The following CCSER1 variants were observed in gnomAD, a reference collection of about 807,000 sequenced individuals.
CCSER1 encodes serine-rich coiled-coil domain-containing protein 1.
CCSER1 carries 41 observed loss-of-function variants against 82.0 expected under a neutral mutation model. The ratio of observed to expected loss-of-function variants is 0.50; its 90% CI spans 0.39 to 0.65. The LOEUF is 0.65. Ranked by LOEUF, CCSER1 falls within the 30% of genes least tolerant of loss-of-function variation. The pLI, the probability that CCSER1 is intolerant of heterozygous loss-of-function variation, is 0.00. For missense variants in CCSER1, 1,119 were observed against 1,064.2 expected, an observed-to-expected ratio of 1.05 and a Z score of -0.72; for synonymous variants, 414 against 383.9, an observed-to-expected ratio of 1.08 and a Z score of -0.92.
At chr4:90,978,584 A>AACACAG (rs1735818683) in intron 9 of CCSER1, among the ~76,000 whole-genome samples, 1 of 151,802 alleles carries the variant, frequency 6.6e-6, no homozygotes, top group African/African-American at 2.4e-5. Flanking sequence ...GCTTCTCAAT[A>AACACAG]TGAAAATAAT....
chr4:91,303,675 A>C (rs1413268283), intron 10 of CCSER1, among the ~76,000 whole-genome samples: 1 of 151,838 alleles, frequency 6.6e-6, no homozygotes, highest in Non-Finnish European at 1.5e-5. Flanking sequence ...CATGCCTGTA[A>C]TCCAGGTTAC....
intron 7 of CCSER1, among the ~76,000 whole-genome samples, chr4:90,725,305 A>T (rs188095224): frequency 7.3e-4 from 111 of 151,736 alleles, no homozygotes; most frequent in Non-Finnish European, 1.4e-3. Flanking sequence ...TTTTTAACAG[A>T]GGTTAAAAAA....
At chr4:91,148,289 T>C (rs771956269) in intron 10 of CCSER1, among the ~76,000 whole-genome samples, 1 of 152,138 alleles carries the variant, frequency 6.6e-6, no homozygotes, top group Non-Finnish European at 1.5e-5. Flanking sequence ...TTGAGACTCA[T>C]TTATTCATTG....
chr4:90,822,599 G>T (rs1031659637), intron 8 of CCSER1, among the ~76,000 whole-genome samples: 2 of 151,802 alleles, frequency 1.3e-5, no homozygotes, highest in African/African-American at 4.8e-5. Flanking sequence ...GTGGTGGCGG[G>T]CACCTGTAAT....
At position 90,663,921 on chromosome 4, in the gene CCSER1, C is replaced by T. The variant is rs1361253054; in HGVS notation, c.1932+35689C>T. 6 of 323,280 alleles carry T rather than the reference C, an allele frequency of 1.9e-5. 1 individual carries two copies. Among genetic ancestry groups the T allele is most frequent in the Admixed American group, 1.8e-4 (6 of 33,922 alleles). The allele number at this position is 323,280 out of a possible 1,614,324, so 20.0% of individuals were successfully genotyped here. ...ATTTTCTAGTTGTATGAAAGTGAAG[C>T]TAATGCTTAAGAATGTAAGTTACCT... is the stretch of plus-strand genomic sequence containing the variant. On this transcript the variant is annotated intron_variant, in intron 6 of 10. Coordinates refer to ENST00000509176, the MANE Select transcript of CCSER1 (RefSeq NM_001145065.2).
intron 4 of CCSER1, among the ~76,000 whole-genome samples, chr4:90,446,549 A>C (rs1460504220): frequency 1.3e-5 from 2 of 152,190 alleles, no homozygotes; most frequent in East Asian, 3.8e-4. Context: ...GGAGCAGAGA[A>C]AAGGAAGATG....
chr4:90,871,103 A>C (rs988248781), intron 8 of CCSER1, among the ~76,000 whole-genome samples: 2 of 148,288 alleles, frequency 1.3e-5, no homozygotes, highest in Non-Finnish European at 3.0e-5. Flanking sequence ...AAGGTTCATC[A>C]AATGTATCTT....
intron 10 of CCSER1, among the ~76,000 whole-genome samples, chr4:91,237,098 G>A (rs1366352798): frequency 6.6e-6 from 1 of 151,964 alleles, no homozygotes; most frequent in Non-Finnish European, 1.5e-5. Context: ...TTCTTTGTAG[G>A]TTATATGCCC....
intron 4 of CCSER1, among the ~76,000 whole-genome samples, chr4:90,431,801 G>A (rs1356225362): frequency 6.6e-6 from 1 of 151,972 alleles, no homozygotes; most frequent in African/African-American, 2.4e-5. Flanking sequence ...TTAATAAATC[G>A]GTAGTGAATG....
chr4:91,366,570 C>G (rs562511288), intron 10 of CCSER1, among the ~76,000 whole-genome samples: 39 of 152,244 alleles, frequency 2.6e-4, no homozygotes, highest in African/African-American at 9.4e-4. Flanking sequence ...GTTTATATGT[C>G]TCTTAATTCT....
At chr4:90,994,099 T>G (rs1737278010) in intron 9 of CCSER1, among the ~76,000 whole-genome samples, 1 of 151,956 alleles carries the variant, frequency 6.6e-6, no homozygotes, top group South Asian at 2.1e-4. Context: ...TTTGAGAGGC[T>G]GAGATGGAAG....
chr4:90,567,287 C>T (rs1779515578), intron 5 of CCSER1, among the ~76,000 whole-genome samples: 1 of 149,806 alleles, frequency 6.7e-6, no homozygotes, highest in East Asian at 2.0e-4. Context: ...TGTTATGTTT[C>T]CATTTTCTTT....
chr4:90,214,085 T>A (rs940624863), intron 1 of CCSER1, among the ~76,000 whole-genome samples: 4 of 152,104 alleles, frequency 2.6e-5, no homozygotes, highest in African/African-American at 9.7e-5. Flanking sequence ...AAATTAACCA[T>A]GTAATGGAGA....
At chr4:90,380,058 C>T (rs1748977527) in intron 3 of CCSER1, among the ~76,000 whole-genome samples, 1 of 152,098 alleles carries the variant, frequency 6.6e-6, no homozygotes, top group Admixed American at 6.5e-5. Flanking sequence ...AAAGCCAACC[C>T]TCATGATATA....
intron 5 of CCSER1, among the ~76,000 whole-genome samples, chr4:90,556,600 T>G (rs1476606541): frequency 2.0e-5 from 3 of 151,986 alleles, no homozygotes; most frequent in African/African-American, 7.2e-5. Flanking sequence ...ATATATATTA[T>G]ATACTGTATA....
At chr4:90,995,911 C>G (rs1279148215) in intron 9 of CCSER1, among the ~76,000 whole-genome samples, 1 of 151,982 alleles carries the variant, frequency 6.6e-6, no homozygotes, top group East Asian at 1.9e-4. Flanking sequence ...TTTAACTATA[C>G]AGATATGCAA....
intron 10 of CCSER1, among the ~76,000 whole-genome samples, chr4:91,510,602 G>C (rs535892575): frequency 2.0e-5 from 3 of 152,060 alleles, no homozygotes; most frequent in Admixed American, 2.0e-4. Flanking sequence ...AATTTTCCAC[G>C]TTTGTTGGCC....
chr4:91,180,327 T>G (rs750040553), intron 10 of CCSER1, among the ~76,000 whole-genome samples: 4 of 152,206 alleles, frequency 2.6e-5, no homozygotes, highest in Non-Finnish European at 2.9e-5. Flanking sequence ...ACCACTACTC[T>G]CTTCAAAGCT....
intron 1 of CCSER1, among the ~76,000 whole-genome samples, chr4:90,210,328 A>G (rs1023419549): frequency 5.3e-5 from 8 of 152,220 alleles, no homozygotes; most frequent in Admixed American, 3.3e-4. Flanking sequence ...ATACATATAT[A>G]TGTTTTGTCT....
Sources: gnomAD v4.1 joint callset for allele counts (sites outside exome capture counted in the v4.1 genomes callset) on GRCh38, gnomAD v4.1.1 for gene constraint, MANE v1.5 for transcripts, NCBI Gene and HGNC (gene_info 2026-07-23, HGNC 2026-07-21) for gene names.